EPYC: variants seen among roughly 807,000 people sequenced by gnomAD.
EPYC encodes the protein epiphycan, also known as dermatan sulfate proteoglycan 3.
EPYC carries 28 observed loss-of-function variants against 30.1 expected under a neutral mutation model. The ratio of observed to expected loss-of-function variants is 0.93; its 90% CI spans 0.69 to 1.28. The LOEUF is 1.28. Among genes scored for constraint, EPYC ranks in the 50% most tolerant of loss-of-function variants. The pLI is 0.00. For missense variants in EPYC, 382 were observed against 383.5 expected (o/e 1.00, Z 0.03); for synonymous variants, 144 against 141.4 (o/e 1.02, Z -0.13).
intron 1 of EPYC, among the ~76,000 whole-genome samples, chr12:91,003,388 T>A (rs1403711607): frequency 6.6e-6 from 1 of 152,054 alleles, no homozygotes; most frequent in Admixed American, 6.6e-5. Context: ...CAGGAATACA[T>A]GTTTAAAAGG....
At chr12:90,987,473 T>C (rs1166260741) in intron 2 of EPYC, among the ~76,000 whole-genome samples, 1 of 152,190 alleles carries the variant, frequency 6.6e-6, no homozygotes, top group East Asian at 1.9e-4. Flanking sequence ...TGTCTTTGAT[T>C]GTTAGACCAC....
At position 90,972,985 on chromosome 12, in the gene EPYC, A is replaced by G. The variant is rs543442425; in HGVS notation, c.341-5T>C. ...ACAAAAGACAGGTTGGAAAGTCTAA[A>G]AGATAAAGGAAAATAAAATTAAATG... On this transcript the variant is annotated splice_region_variant and splice_polypyrimidine_tract_variant and intron_variant, in intron 3 of 6. Coordinates refer to ENST00000261172, the MANE Select transcript of EPYC (RefSeq NM_004950.5). 10 of 1,551,802 alleles carry G rather than the reference A, an allele frequency of 6.4e-6. 1 individual carries two copies. The South Asian group carries it at 9.7e-5, about 15-fold the overall frequency.
chr12:90,987,703 G>T (rs1877485879), intron 2 of EPYC, among the ~76,000 whole-genome samples: 1 of 152,150 alleles, frequency 6.6e-6, no homozygotes, highest in South Asian at 2.1e-4. Flanking sequence ...CTGTATTTGA[G>T]AGAAAGATGG....
At chr12:91,002,804 T>A (rs1169734645) in intron 1 of EPYC, among the ~76,000 whole-genome samples, 1 of 152,094 alleles carries the variant, frequency 6.6e-6, no homozygotes, top group East Asian at 1.9e-4. Flanking sequence ...TTACAGTGGA[T>A]ATTTTAATTA....
rs1877230547 is a variant in EPYC, at chr12:90,978,087, C to T, written c.340+1G>A. ...TGTAATTCTGCTTTGAGGTACCTGA[C>T]CTTCATTTGTGTGTGGCCCCAGAAC... is the stretch of plus-strand genomic sequence containing the variant. On this transcript the variant is annotated splice_donor_variant, in intron 3 of 6. Transcript: ENST00000261172. LOFTEE classifies it high-confidence loss of function. The T allele has an allele frequency of 6.4e-7, 1 of 1,557,780 alleles. No individual in the cohort carries two copies. The highest frequency in any genetic ancestry group is 2.4e-5 in the East Asian group (1 of 42,354).
intron 1 of EPYC, among the ~76,000 whole-genome samples, chr12:91,004,623 A>G (rs892839998): frequency 1.3e-5 from 2 of 152,082 alleles, no homozygotes; most frequent in African/African-American, 2.4e-5. Flanking sequence ...ATATCAATCA[A>G]TAGTGCCTGT....
intron 2 of EPYC, among the ~76,000 whole-genome samples, chr12:90,983,499 G>T (rs189341411): frequency 2.0e-5 from 3 of 152,256 alleles, no homozygotes; most frequent in African/African-American, 7.2e-5. Flanking sequence ...AGTTGAGAGC[G>T]TTGGTTTGCT....
At chr12:90,983,884 G>T (rs2120838648) in intron 2 of EPYC, among the ~76,000 whole-genome samples, 1 of 152,142 alleles carries the variant, frequency 6.6e-6, no homozygotes, top group East Asian at 1.9e-4. Flanking sequence ...CATAATTTTT[G>T]CCCAAAGCCC....
intron 2 of EPYC, among the ~76,000 whole-genome samples, chr12:90,996,505 G>T (rs1592631626): frequency 6.6e-6 from 1 of 151,868 alleles, no homozygotes; most frequent in South Asian, 2.1e-4. Context: ...CAAATAAAAA[G>T]AAACCATTCC....
At chr12:90,998,700 G>A (rs1441828027) in intron 2 of EPYC, among the ~76,000 whole-genome samples, 1 of 152,080 alleles carries the variant, frequency 6.6e-6, no homozygotes, top group Non-Finnish European at 1.5e-5. Context: ...CTTTTAAGTT[G>A]TTCTATCTTG....
rs149289436 is a variant in EPYC, at chr12:90,977,120, T to C, written c.340+968A>G. Among the ~76,000 whole-genome samples the C allele has an allele frequency of 3.0e-3, 454 of 152,250 alleles. 3 individuals are homozygous for C. Among genetic ancestry groups the C allele is most frequent in the African/African-American group, 0.011 (441 of 41,554 alleles). On this transcript the variant is annotated intron_variant, in intron 3 of 6. Transcript: ENST00000261172. ...GCAGAAATATTCATGAGAACGGTAG[T>C]TATTTGAAACTAAGTTTTGTGTCTA...
chr12:90,991,851 G>T (rs1877592238), intron 2 of EPYC, among the ~76,000 whole-genome samples: 1 of 152,138 alleles, frequency 6.6e-6, no homozygotes, highest in African/African-American at 2.4e-5. Context: ...GAAGTGACTT[G>T]TGATGCAGAC....
At chr12:90,973,208 A>C in intron 3 of EPYC, among the ~76,000 whole-genome samples, 1 of 31,876 alleles carries the variant, frequency 3.1e-5, no homozygotes, top group South Asian at 2.1e-3. Flanking sequence ...TAAAATTAGT[A>C]CTTTTCTATT....
At chr12:90,992,459 T>C (rs552168829) in intron 2 of EPYC, among the ~76,000 whole-genome samples, 10 of 152,218 alleles carry the variant, frequency 6.6e-5, no homozygotes, top group African/African-American at 2.4e-4. Flanking sequence ...GCATATAACA[T>C]CCAGGCTGGA....
chr12:90,984,911 A>G (rs1248627272), intron 2 of EPYC, among the ~76,000 whole-genome samples: 1 of 152,170 alleles, frequency 6.6e-6, no homozygotes, highest in East Asian at 1.9e-4. Flanking sequence ...AAAGCAGATC[A>G]AAGTAGACCT....
At chr12:90,992,456 A>G (rs1877607408) in intron 2 of EPYC, among the ~76,000 whole-genome samples, 1 of 152,188 alleles carries the variant, frequency 6.6e-6, no homozygotes, top group Admixed American at 6.5e-5. Flanking sequence ...TGGGCATATA[A>G]CATCCAGGCT....
At chr12:90,969,994 G>T (rs1476144472) in intron 6 of EPYC, 50 bp downstream of exon 6, 9 of 1,339,334 alleles carry the variant, frequency 6.7e-6, no homozygotes, top group Admixed American at 5.2e-5. Context: ...GTCCTTTTTG[G>T]CTTTGCTTTC....
At chr12:90,988,084 A>T (rs1877495643) in intron 2 of EPYC, among the ~76,000 whole-genome samples, 1 of 152,166 alleles carries the variant, frequency 6.6e-6, no homozygotes. Flanking sequence ...TTATTGATTC[A>T]TTGATATTTA....
At chr12:90,980,883 T>TA (rs1877309043) in intron 2 of EPYC, among the ~76,000 whole-genome samples, 1 of 152,188 alleles carries the variant, frequency 6.6e-6, no homozygotes. Context: ...CCCTAAAGTT[T>TA]AAAAATATAA....
Sources: gnomAD v4.1 joint callset for allele counts (sites outside exome capture counted in the v4.1 genomes callset) on GRCh38, gnomAD v4.1.1 for gene constraint, MANE v1.5 for transcripts, NCBI Gene and HGNC (gene_info 2026-07-23, HGNC 2026-07-21) for gene names.